Variants in SYNPR observed in about 807,000 individuals in gnomAD.
The protein encoded by SYNPR is synaptoporin.
SYNPR carries 23 observed loss-of-function variants against 32.9 expected under a neutral mutation model. The ratio of observed to expected loss-of-function variants is 0.70; its 90% CI spans 0.50 to 0.99. SYNPR has a LOEUF of 0.99. Among genes scored for constraint, SYNPR ranks in the 50% least tolerant of loss-of-function variants. The pLI, the probability that SYNPR is intolerant of heterozygous loss-of-function variation, is 0.00. For missense variants in SYNPR, 318 were observed against 349.3 expected, an observed-to-expected ratio of 0.91 and a Z score of 0.71; for synonymous variants, 146 against 135.9, an observed-to-expected ratio of 1.07 and a Z score of -0.52.
the SYNPR span, among the ~76,000 whole-genome samples, chr3:63,202,883 G>A: frequency 7.3e-5 from 11 of 151,714 alleles, no homozygotes; most frequent in East Asian, 1.9e-3. Context: ...CTCAGAACTT[G>A]GGTTTCTTGG....
At chr3:63,304,151 G>T (rs2106944698) in intron 2 of SYNPR, among the ~76,000 whole-genome samples, 1 of 152,000 alleles carries the variant, frequency 6.6e-6, no homozygotes, top group Non-Finnish European at 1.5e-5. Context: ...TTTGAAAAAA[G>T]CAACAGCTGG....
chr3:63,394,339 C>T (rs936923411), intron 2 of SYNPR, among the ~76,000 whole-genome samples: 3 of 152,306 alleles, frequency 2.0e-5, no homozygotes, highest in African/African-American at 4.8e-5. Flanking sequence ...TTTAACCTTA[C>T]TCACTCTAAT....
intron 2 of SYNPR, among the ~76,000 whole-genome samples, chr3:63,476,004 C>T (rs1250572207): frequency 1.3e-5 from 2 of 150,932 alleles, no homozygotes; most frequent in Non-Finnish European, 2.9e-5. Flanking sequence ...ATTCTTCCAC[C>T]CCACCAAGCG....
At chr3:63,416,042 T>G (rs2107124229) in intron 2 of SYNPR, among the ~76,000 whole-genome samples, 1 of 152,356 alleles carries the variant, frequency 6.6e-6, no homozygotes, top group East Asian at 1.9e-4. Flanking sequence ...ATCTTTCAAA[T>G]AAGCTGAAGC....
chr3:63,382,744 T>G (rs1435463570), intron 2 of SYNPR, among the ~76,000 whole-genome samples: 1 of 152,126 alleles, frequency 6.6e-6, no homozygotes, highest in Non-Finnish European at 1.5e-5. Context: ...ATTTCTAGGG[T>G]TTTTAGTTGT....
At chr3:63,500,222 T>C (rs1327509260) in intron 3 of SYNPR, among the ~76,000 whole-genome samples, 1 of 152,096 alleles carries the variant, frequency 6.6e-6, no homozygotes, top group East Asian at 1.9e-4. Context: ...CTTTACCCCA[T>C]CCTAAACGAT....
At chr3:63,425,537 T>A (rs977446247) in intron 2 of SYNPR, among the ~76,000 whole-genome samples, 9 of 152,078 alleles carry the variant, frequency 5.9e-5, no homozygotes, top group African/African-American at 1.7e-4. Context: ...TAAGATACCA[T>A]TTTTGAGCTC....
chr3:63,289,253 T>C (rs2086715584), intron 2 of SYNPR: 1 of 152,382 alleles, frequency 6.6e-6, no homozygotes, highest in South Asian at 2.1e-4. Flanking sequence ...GTTCCCATTA[T>C]TTCTCCATTG....
chr3:63,349,633 C>A (rs1440257831), intron 2 of SYNPR, among the ~76,000 whole-genome samples: 1 of 152,136 alleles, frequency 6.6e-6, no homozygotes, highest in African/African-American at 2.4e-5. Context: ...CATCGAAATG[C>A]CACTGATTTT....
At chr3:63,499,254 G>A (rs1575677203) in intron 3 of SYNPR, among the ~76,000 whole-genome samples, 1 of 152,142 alleles carries the variant, frequency 6.6e-6, no homozygotes, top group South Asian at 2.1e-4. Context: ...AAGGAATGAA[G>A]TTTTGGGGTC....
intron 4 of SYNPR, among the ~76,000 whole-genome samples, chr3:63,597,037 T>C (rs1028768751): frequency 5.3e-5 from 8 of 152,164 alleles, no homozygotes; most frequent in African/African-American, 1.9e-4. Context: ...AAATAATAAT[T>C]TTGATGTATT....
At chr3:63,280,273 T>C (rs1231093476) in intron 2 of SYNPR, among the ~76,000 whole-genome samples, 1 of 152,218 alleles carries the variant, frequency 6.6e-6, no homozygotes, top group Non-Finnish European at 1.5e-5. Context: ...AAAAGGTGTT[T>C]GTTATCTGGA....
intron 4 of SYNPR, among the ~76,000 whole-genome samples, chr3:63,587,017 A>G (rs1305720608): frequency 6.6e-6 from 1 of 152,040 alleles, no homozygotes; most frequent in Non-Finnish European, 1.5e-5. Context: ...TTGAAGCTCT[A>G]CCTATGAAGA....
chr3:63,430,369 C>G (rs1228035036), intron 2 of SYNPR, among the ~76,000 whole-genome samples: 2 of 62,634 alleles, frequency 3.2e-5, no homozygotes, highest in East Asian at 8.6e-4. Context: ...AATACACACA[C>G]ACACACACAC....
the SYNPR span, among the ~76,000 whole-genome samples, chr3:63,222,807 G>A: frequency 2.6e-5 from 4 of 152,250 alleles, no homozygotes; most frequent in East Asian, 1.9e-4. Flanking sequence ...ATGAGCCACC[G>A]TGCCCTGTCT....
chr3:63,501,933 C>T lies in SYNPR; in HGVS notation c.209+20977C>T, dbSNP rs568790839. On this transcript the variant is annotated intron_variant, in intron 3 of 5. Coordinates refer to ENST00000478300, the MANE Select transcript of SYNPR (RefSeq NM_001130003.2). ...ATACACTAGCTACATGCACTTGAAA[C>T]GTGGCTGGTCTGAATGGAGGTATGC... Among the ~76,000 whole-genome samples, 10 of 152,212 alleles carry T rather than the reference C, an allele frequency of 6.6e-5. No homozygotes were observed. In the South Asian group the frequency reaches 1.5e-3, roughly 22 times the overall value.
At chr3:63,266,908 G>A (rs2086494964) in intron 2 of SYNPR, among the ~76,000 whole-genome samples, 1 of 151,220 alleles carries the variant, frequency 6.6e-6, no homozygotes, top group South Asian at 2.1e-4. Flanking sequence ...AAGTCCAAAG[G>A]AAAAAAAATG....
chr3:63,328,407 A>G (rs547244732), intron 2 of SYNPR, among the ~76,000 whole-genome samples: 1 of 152,298 alleles, frequency 6.6e-6, no homozygotes, highest in South Asian at 2.1e-4. Flanking sequence ...AGACTGGTCT[A>G]TATTTAAAAG....
At chr3:63,234,868 G>A (rs2086190120) in intron 1 of SYNPR, among the ~76,000 whole-genome samples, 1 of 152,152 alleles carries the variant, frequency 6.6e-6, no homozygotes, top group Non-Finnish European at 1.5e-5. Context: ...AGGAAATAAT[G>A]AGAGGCTCTA....
Sources: gnomAD v4.1 joint callset for allele counts (sites outside exome capture counted in the v4.1 genomes callset) on GRCh38, gnomAD v4.1.1 for gene constraint, MANE v1.5 for transcripts, NCBI Gene and HGNC (gene_info 2026-07-23, HGNC 2026-07-21) for gene names.